The following NUFIP1 variants were observed in gnomAD, a reference collection of about 807,000 sequenced individuals.
The protein encoded by NUFIP1 is nuclear FMR1 interacting protein 1.
NUFIP1 carries 38 observed loss-of-function variants against 56.2 expected under a neutral mutation model. That is an observed-to-expected ratio of 0.68 (90% CI 0.52 to 0.89). The LOEUF (loss-of-function observed/expected upper bound fraction) is 0.89, where lower values mean the gene tolerates loss of function less well. NUFIP1 is among the 40% of genes least tolerant of loss of function. The pLI, the probability that NUFIP1 is intolerant of heterozygous loss-of-function variation, is 0.00. For missense variants in NUFIP1, 567 were observed against 605.8 expected (o/e 0.94, Z 0.67); for synonymous variants, 215 against 212.4 (o/e 1.01, Z -0.10).
Position 44,960,882 on chromosome 13 carries a change from G to A in NUFIP1, c.828-1308C>T, listed in dbSNP as rs779252522. Among the ~76,000 whole-genome samples, 4 of 151,852 alleles carry A rather than the reference G, an allele frequency of 2.6e-5. No homozygotes were observed. In the East Asian group the frequency reaches 7.8e-4, roughly 29 times the overall value. Reference sequence around the variant, plus strand: ...GTTCGAAACCATCCTGGGCAACTTCGTCTCTACTAAAATACAAAAAATAAG... The same window carrying A: ...GTTCGAAACCATCCTGGGCAACTTCATCTCTACTAAAATACAAAAAATAAG... On this transcript the variant is annotated intron_variant, in intron 6 of 9. Transcript: ENST00000379161.
intron 5 of NUFIP1, among the ~76,000 whole-genome samples, chr13:44,968,089 T>A (rs931314298): frequency 6.6e-6 from 1 of 151,242 alleles, no homozygotes; most frequent in Non-Finnish European, 1.5e-5. Context: ...AGAAAAAAAA[T>A]GTAATGAATT....
chr13:44,984,354 G>C (rs939593984), intron 1 of NUFIP1, among the ~76,000 whole-genome samples: 1 of 152,116 alleles, frequency 6.6e-6, no homozygotes, highest in Admixed American at 6.5e-5. Flanking sequence ...AACACTAACT[G>C]TTTGGGCCAG....
chr13:44,943,371 C>G (rs780764363), intron 9 of NUFIP1, 71 bp downstream of exon 9: 193 of 1,297,030 alleles, frequency 1.5e-4, no homozygotes, highest in Non-Finnish European at 2.1e-4. Context: ...CACACACACA[C>G]ACACACCCCA....
At position 44,989,416 on chromosome 13, in the gene NUFIP1, A is replaced by C. The variant is rs758635463; in HGVS notation, c.21T>G (p.Asp7Glu). 1 of 1,613,528 alleles carries C rather than the reference A, an allele frequency of 6.2e-7. No individual in the cohort carries two copies. The highest frequency in any genetic ancestry group is 1.7e-5 in the Admixed American group (1 of 59,938). Reference protein sequence around the residue: MAEPTSDFETPIGWHAS... With the variant: MAEPTSEFETPIGWHAS... ...CATGCCACCCGATAGGAGTCTCGAA[A>C]TCACTAGTCGGCTCAGCCATACCAC... is the stretch of plus-strand genomic sequence containing the variant. The change falls in exon 1 of 10, where the codon GAT becomes GAG. Residue 7 changes from aspartate to glutamate, a missense_variant. Transcript: ENST00000379161.
intron 6 of NUFIP1, among the ~76,000 whole-genome samples, chr13:44,962,749 G>A (rs1021836049): frequency 1.3e-5 from 2 of 152,128 alleles, no homozygotes; most frequent in East Asian, 3.8e-4. Flanking sequence ...AGTTCTGCAC[G>A]TTCTATTCAT....
chr13:44,975,989 CT>C (rs1871959476), intron 5 of NUFIP1, among the ~76,000 whole-genome samples: 1 of 152,190 alleles, frequency 6.6e-6, no homozygotes, highest in Non-Finnish European at 1.5e-5. Flanking sequence ...AGTTAGATAA[CT>C]TTTAAGTTGC....
At position 44,979,270 on chromosome 13, in the gene NUFIP1, G is replaced by C. The variant is rs1423730496; in HGVS notation, c.658-4C>G. The C allele has an allele frequency of 4.3e-6, 7 of 1,609,864 alleles. No homozygotes were observed. On this transcript the variant is annotated splice_region_variant and splice_polypyrimidine_tract_variant and intron_variant, in intron 4 of 9. Coordinates refer to ENST00000379161, the MANE Select transcript of NUFIP1 (RefSeq NM_012345.3). ...TCTTCATGCCAGGAGCATGCATCTA[G>C]GGGGAAAAAGCCTGCTGAACATCAG...
At chr13:44,960,252 A>C (rs1176045140) in intron 6 of NUFIP1, among the ~76,000 whole-genome samples, 1 of 150,608 alleles carries the variant, frequency 6.6e-6, no homozygotes, top group African/African-American at 2.4e-5. Flanking sequence ...CAGAGTTTAT[A>C]AAGTATGTTC....
Position 44,989,340 on chromosome 13 carries a change from G to A in NUFIP1, c.97C>T (p.Pro33Ser). 1.2e-6 allele frequency: 2 copies of A among 1,613,166 alleles called. No homozygotes were observed. The highest frequency in any genetic ancestry group is 1.7e-6 in the Non-Finnish European group (2 of 1,179,782). Residue 33 changes from proline (P) to serine (S), a missense_variant, in exon 1 of 10, where the codon CCG becomes TCG. Pro to Ser is a moderately conservative substitution (Grantham distance 74). Transcript: ENST00000379161. ...GCCCAGAACATCCAGCTGTCCCGCG[G>A]CGGGGCAGTGTCGCTCAGGGGCCCT... ...TLGPLSDTAP[P>S]RDSWMFWAML...
At chr13:44,944,546 G>A (rs901675987) in intron 8 of NUFIP1, among the ~76,000 whole-genome samples, 9 of 152,084 alleles carry the variant, frequency 5.9e-5, no homozygotes, top group Admixed American at 5.9e-4. Flanking sequence ...AAATTGGACA[G>A]AAAATTCGTA....
At chr13:44,952,196 G>A (rs1378888150) in intron 7 of NUFIP1, among the ~76,000 whole-genome samples, 1 of 152,118 alleles carries the variant, frequency 6.6e-6, no homozygotes, top group African/African-American at 2.4e-5. Context: ...TGCCCAGGCT[G>A]GAGTGCAGTG....
At chr13:44,984,922 A>G (rs1035018071) in intron 1 of NUFIP1, among the ~76,000 whole-genome samples, 1 of 151,956 alleles carries the variant, frequency 6.6e-6, no homozygotes, top group African/African-American at 2.4e-5. Context: ...ATGTGTTCTC[A>G]TTGTTCAATT....
intron 9 of NUFIP1, among the ~76,000 whole-genome samples, chr13:44,942,659 ATT>A (rs1870781305): frequency 6.6e-6 from 1 of 152,190 alleles, no homozygotes; most frequent in Admixed American, 6.5e-5. Context: ...AAAATCTTTG[ATT>A]TTCAAACAGC....
intron 7 of NUFIP1, among the ~76,000 whole-genome samples, chr13:44,955,708 T>C (rs1180293273): frequency 6.6e-6 from 1 of 152,022 alleles, no homozygotes; most frequent in Non-Finnish European, 1.5e-5. Flanking sequence ...AAAACATATA[T>C]TGGAGAGTGG....
At chr13:44,970,779 A>G (rs1424371055) in intron 5 of NUFIP1, among the ~76,000 whole-genome samples, 2 of 152,076 alleles carry the variant, frequency 1.3e-5, no homozygotes, top group Non-Finnish European at 2.9e-5. Flanking sequence ...GGTTCAAGCA[A>G]TTCTCCTGCC....
chr13:44,943,948 T>C (rs1461322120), intron 8 of NUFIP1, among the ~76,000 whole-genome samples: 4 of 152,164 alleles, frequency 2.6e-5, no homozygotes, highest in Non-Finnish European at 5.9e-5. Flanking sequence ...GAAACTTGGA[T>C]CTATACAAAG....
intron 6 of NUFIP1, among the ~76,000 whole-genome samples, chr13:44,963,257 T>G (rs1207871394): frequency 6.6e-6 from 1 of 152,230 alleles, no homozygotes; most frequent in African/African-American, 2.4e-5. Flanking sequence ...GTGTAGAATC[T>G]TGCACATCTT....
intron 1 of NUFIP1, among the ~76,000 whole-genome samples, chr13:44,985,544 G>C (rs1414423146): frequency 6.6e-6 from 1 of 152,122 alleles, no homozygotes; most frequent in African/African-American, 2.4e-5. Flanking sequence ...TGCTGTCTTT[G>C]TGTCACATTT....
intron 5 of NUFIP1, among the ~76,000 whole-genome samples, chr13:44,973,384 CAA>C (rs1338075950): frequency 6.6e-6 from 1 of 152,158 alleles, no homozygotes. Context: ...CTAAAAACAA[CAA>C]AGATACAGCT....
Sources: gnomAD v4.1 joint callset for allele counts (sites outside exome capture counted in the v4.1 genomes callset) on GRCh38, gnomAD v4.1.1 for gene constraint, MANE v1.5 for transcripts, NCBI Gene and HGNC (gene_info 2026-07-23, HGNC 2026-07-21) for gene names.